Variants in CDH8 observed in about 807,000 individuals in gnomAD.
CDH8 encodes the protein cadherin-8.
Under a neutral mutation model 68.1 loss-of-function variants are expected in CDH8, and 17 were observed. The ratio of observed to expected loss-of-function variants is 0.25; its 90% CI spans 0.17 to 0.37. The LOEUF (loss-of-function observed/expected upper bound fraction) is 0.37, where lower values mean the gene tolerates loss of function less well. Among genes scored for constraint, CDH8 ranks in the 10% least tolerant of loss-of-function variants. CDH8 has a pLI of 1.00. For synonymous variants in CDH8, 372 were observed against 365.1 expected, an observed-to-expected ratio of 1.02 and a Z score of -0.21; for missense variants, 763 against 999.3, an observed-to-expected ratio of 0.76 and a Z score of 3.19.
chr16:61,726,920 G>C (rs1225997170), intron 9 of CDH8, 174 bp downstream of exon 9: 2 of 663,408 alleles, frequency 3.0e-6, no homozygotes, highest in East Asian at 5.5e-5. Flanking sequence ...AGTAGGAAGA[G>C]AAATAACATC....
intron 3 of CDH8, among the ~76,000 whole-genome samples, chr16:61,876,699 T>C (rs1205901638): frequency 6.6e-6 from 1 of 152,074 alleles, no homozygotes; most frequent in Non-Finnish European, 1.5e-5. Flanking sequence ...CATGCATTCT[T>C]ACAGTAATGA....
At chr16:61,692,567 G>GTTTTTTTTTTTTTTTT (rs5817304) in intron 10 of CDH8, 1 of 143,890 alleles carries the variant, frequency 6.9e-6, no homozygotes, top group Non-Finnish European at 1.5e-5. Flanking sequence ...AGAGTTGTGG[G>GTTTTTTTTTTTTTTTT]TTTTTTTTTT....
In CDH8 at chr16:61,653,074, T is replaced by C. The variant is rs959481004; in HGVS notation, c.*534A>G. On this transcript the variant is annotated 3_prime_UTR_variant, in exon 12 of 12. Transcript: ENST00000577390. The stretch of plus-strand genomic sequence containing the variant: ...AATTATGTACAATGTGTGGTCACCG[T>C]ACTGTATAATCTAGGAGGCCTCTCA... 5.3e-6 allele frequency: 7 copies of C among 1,324,140 alleles called. No individual in the cohort carries two copies. The highest frequency in any genetic ancestry group is 1.5e-5 in the African/African-American group (1 of 66,458). The allele number at this position is 1,324,140 out of a possible 1,614,324, so 82.0% of individuals were successfully genotyped here. A position where few individuals can be genotyped will look rare whatever the true frequency, so the allele number is the denominator to read the frequency against.
intron 10 of CDH8, among the ~76,000 whole-genome samples, chr16:61,660,261 TA>T (rs1356670172): frequency 1.3e-5 from 2 of 151,294 alleles, no homozygotes; most frequent in African/African-American, 4.9e-5. Flanking sequence ...ATGAAGAAAA[TA>T]TGACCCACAG....
chr16:61,734,955 G>T (rs1959635512), intron 8 of CDH8, among the ~76,000 whole-genome samples: 1 of 151,988 alleles, frequency 6.6e-6, no homozygotes, highest in African/African-American at 2.4e-5. Flanking sequence ...GGTGCCACAT[G>T]CCCTGAGAAG....
intron 1 of CDH8, among the ~76,000 whole-genome samples, chr16:62,030,317 A>C (rs1902294333): frequency 6.6e-6 from 1 of 152,218 alleles, no homozygotes; most frequent in Admixed American, 6.5e-5. Flanking sequence ...TGACACTCAA[A>C]GGCAAGAGAA....
chr16:61,890,032 G>A (rs1013674458), intron 3 of CDH8, among the ~76,000 whole-genome samples: 1 of 152,110 alleles, frequency 6.6e-6, no homozygotes, highest in African/African-American at 2.4e-5. Flanking sequence ...AGTGGTTGAT[G>A]TCTTATTTTC....
intron 8 of CDH8, among the ~76,000 whole-genome samples, chr16:61,758,374 A>C (rs1469620877): frequency 6.6e-6 from 1 of 152,128 alleles, no homozygotes; most frequent in Non-Finnish European, 1.5e-5. Flanking sequence ...TCAGTTAAAG[A>C]AGAAACTTTT....
chr16:61,865,174 G>A (rs1213754117), intron 3 of CDH8, among the ~76,000 whole-genome samples: 1 of 152,140 alleles, frequency 6.6e-6, no homozygotes, highest in African/African-American at 2.4e-5. Flanking sequence ...ACTGCAGTCA[G>A]GCGGATGGAC....
intron 3 of CDH8, among the ~76,000 whole-genome samples, chr16:61,858,880 G>A (rs2143016545): frequency 6.6e-6 from 1 of 152,258 alleles, no homozygotes; most frequent in South Asian, 2.1e-4. Context: ...CTTCAGGGGA[G>A]GACAACTACA....
At chr16:61,655,891 G>C (rs920792053) in intron 10 of CDH8, among the ~76,000 whole-genome samples, 170 bp from the exon 11 acceptor site, 2 of 50,480 alleles carry the variant, frequency 4.0e-5, no homozygotes, top group Non-Finnish European at 8.2e-5. Context: ...TTTTTTTTTT[G>C]AGACGGAGTC....
chr16:61,776,075 C>A (rs953667666), intron 8 of CDH8, among the ~76,000 whole-genome samples: 1 of 151,950 alleles, frequency 6.6e-6, no homozygotes, highest in Non-Finnish European at 1.5e-5. Flanking sequence ...TAAGAGTTGG[C>A]AAGCACCAGG....
intron 2 of CDH8, among the ~76,000 whole-genome samples, chr16:61,974,936 G>T (rs532801992): frequency 6.6e-6 from 1 of 152,222 alleles, no homozygotes; most frequent in Non-Finnish European, 1.5e-5. Flanking sequence ...GCAAGGTTTT[G>T]TATTTTTACA....
rs35171683 is a variant in CDH8, at chr16:61,899,831, GACACACACACAC to G, written c.547+1336_547+1347del. ...TAATTTCCATCAGGAATGTTATAAA[GACACACACACAC>G]ACACACACACACACACACACACACG... On this transcript the variant is annotated intron_variant, in intron 3 of 11. Transcript: ENST00000577390. 5.4e-5 allele frequency among the ~76,000 whole-genome samples: 8 copies of G among 147,336 alleles called. No homozygotes were observed. In the East Asian group the frequency reaches 8.1e-4, roughly 15 times the overall value.
Position 61,768,357 on chromosome 16 carries a change from T to C in CDH8, c.1414+20989A>G, listed in dbSNP as rs5010227. On this transcript the variant is annotated intron_variant, in intron 8 of 11. Coordinates refer to ENST00000577390, the MANE Select transcript of CDH8 (RefSeq NM_001796.5). Reference sequence around the variant, plus strand: ...CTCTCTCTCTCTCTCTCTCTCTCTCTCTCTCTCTCTCCCTTTCTCTCTCTC... The same window carrying C: ...CTCTCTCTCTCTCTCTCTCTCTCTCCCTCTCTCTCTCCCTTTCTCTCTCTC... Among the ~76,000 whole-genome samples the C allele has an allele frequency of 4.4e-3, 456 of 103,668 alleles. 5 individuals are homozygous for C. Among genetic ancestry groups the C allele is most frequent in the Non-Finnish European group, 5.6e-3 (277 of 49,606 alleles). 68.0% of individuals were successfully genotyped at this position (103,668 alleles called of 152,430 possible). A position where few individuals can be genotyped will look rare whatever the true frequency, so the allele number is the denominator to read the frequency against.
chr16:61,980,757 T>C (rs1008991723), intron 2 of CDH8, among the ~76,000 whole-genome samples: 4 of 152,230 alleles, frequency 2.6e-5, no homozygotes, highest in African/African-American at 9.6e-5. Flanking sequence ...TGCCAACTTC[T>C]GAACTCCTGG....
At chr16:61,676,306 G>A (rs1465248298) in intron 10 of CDH8, among the ~76,000 whole-genome samples, 1 of 151,672 alleles carries the variant, frequency 6.6e-6, no homozygotes. Flanking sequence ...TAAGGAAGCT[G>A]AAGTGGCTAT....
At chr16:62,002,632 C>T (rs963979546) in intron 2 of CDH8, among the ~76,000 whole-genome samples, 1 of 152,180 alleles carries the variant, frequency 6.6e-6, no homozygotes, top group Non-Finnish European at 1.5e-5. Context: ...TGATACAGCA[C>T]AGTCTAGAAA....
In CDH8 at chr16:61,776,515, A is replaced by C. The variant is rs146049411; in HGVS notation, c.1414+12831T>G. Reference sequence around the variant, plus strand: ...TGGCCGGGATACTTGGGACTGACAGAGGAAAGAAGATGCTCCTATTAATAT... The same window carrying C: ...TGGCCGGGATACTTGGGACTGACAGCGGAAAGAAGATGCTCCTATTAATAT... On this transcript the variant is annotated intron_variant, in intron 8 of 11. Coordinates refer to ENST00000577390, the MANE Select transcript of CDH8 (RefSeq NM_001796.5). Among the ~76,000 whole-genome samples, 67 of 152,264 alleles carry C rather than the reference A, an allele frequency of 4.4e-4. No homozygotes were observed. The East Asian group carries it at 0.012, about 27-fold the overall frequency.
Sources: gnomAD v4.1 joint callset for allele counts (sites outside exome capture counted in the v4.1 genomes callset) on GRCh38, gnomAD v4.1.1 for gene constraint, MANE v1.5 for transcripts, NCBI Gene and HGNC (gene_info 2026-07-23, HGNC 2026-07-21) for gene names.